The following RARS2 variants were observed in gnomAD, a reference collection of about 807,000 sequenced individuals.
The protein encoded by RARS2 is probable arginine--tRNA ligase, mitochondrial.
Under a neutral mutation model 88.5 loss-of-function variants are expected in RARS2, and 67 were observed. That is an observed-to-expected ratio of 0.76 (90% CI 0.62 to 0.93). The LOEUF is 0.93. RARS2 is among the 40% of genes least tolerant of loss of function. The pLI is 0.00. For missense variants in RARS2, 664 were observed against 684.2 expected (o/e 0.97, Z 0.33); for synonymous variants, 239 against 230.3 (o/e 1.04, Z -0.34).
At chr6:87,578,469 C>T (rs1373875670) in intron 1 of RARS2, among the ~76,000 whole-genome samples, 1 of 151,830 alleles carries the variant, frequency 6.6e-6, no homozygotes, top group Admixed American at 6.6e-5. Context: ...CATTATTTTG[C>T]AAAAATGAGA....
At chr6:87,568,461 C>G (rs1467461812) in intron 2 of RARS2, among the ~76,000 whole-genome samples, 1 of 152,226 alleles carries the variant, frequency 6.6e-6, no homozygotes, top group African/African-American at 2.4e-5. Flanking sequence ...GATCACACCA[C>G]TGCCCTCCAG....
At chr6:87,574,902 G>C (rs1434597909) in intron 1 of RARS2, among the ~76,000 whole-genome samples, 1 of 150,352 alleles carries the variant, frequency 6.7e-6, no homozygotes, top group East Asian at 2.0e-4. Context: ...GAACTAATCA[G>C]AGAATACAAA....
At chr6:87,568,533 C>T (rs1487226631) in intron 2 of RARS2, among the ~76,000 whole-genome samples, 1 of 152,142 alleles carries the variant, frequency 6.6e-6, no homozygotes, top group African/African-American at 2.4e-5. Context: ...TAACATTTCC[C>T]TTATTATGCA....
At chr6:87,584,011 T>C (rs941225958) in intron 1 of RARS2, among the ~76,000 whole-genome samples, 1 of 152,226 alleles carries the variant, frequency 6.6e-6, no homozygotes, top group Non-Finnish European at 1.5e-5. Context: ...TTTCTGCGTA[T>C]GTAAACAAGA....
chr6:87,535,708 G>A (rs182554755), intron 8 of RARS2, among the ~76,000 whole-genome samples: 222 of 134,818 alleles, frequency 1.6e-3, no homozygotes, highest in Middle Eastern at 4.2e-3. Context: ...ACAGAGTCTC[G>A]CTCTGTTGCC....
intron 4 of RARS2, among the ~76,000 whole-genome samples, chr6:87,558,189 A>AAAAAAAGAC (rs1173716638): frequency 6.6e-6 from 1 of 152,136 alleles, no homozygotes. Context: ...AAGAAAAAAA[A>AAAAAAAGAC]AAAAAAGACT....
chr6:87,569,314 C>T (rs531906127), intron 2 of RARS2, among the ~76,000 whole-genome samples: 1 of 152,224 alleles, frequency 6.6e-6, no homozygotes, highest in South Asian at 2.1e-4. Context: ...CACAATCTGC[C>T]ATATCAGAGT....
chr6:87,558,137 A>AT, intron 4 of RARS2, among the ~76,000 whole-genome samples: 1 of 151,824 alleles, frequency 6.6e-6, no homozygotes, highest in African/African-American at 2.4e-5. Flanking sequence ...AGATCACGCC[A>AT]TTGCACTCCA....
chr6:87,514,682 T>TA (rs1322994177), intron 19 of RARS2, among the ~76,000 whole-genome samples, 183 bp from the exon 20 acceptor site: 1 of 152,208 alleles, frequency 6.6e-6, no homozygotes, highest in South Asian at 2.1e-4. Context: ...AACCTGTACA[T>TA]AAAGTGTCAT....
chr6:87,576,930 T>C (rs991421927), intron 1 of RARS2, among the ~76,000 whole-genome samples: 4 of 152,216 alleles, frequency 2.6e-5, no homozygotes, highest in Non-Finnish European at 4.4e-5. Flanking sequence ...GATCATGATC[T>C]GGTCAAAGCA....
chr6:87,550,663 TTAAA>T (rs1486981050), intron 5 of RARS2, among the ~76,000 whole-genome samples: 3 of 151,592 alleles, frequency 2.0e-5, no homozygotes, highest in South Asian at 2.1e-4. Flanking sequence ...AATTATATGT[TTAAA>T]TAAGTATTGT....
intron 1 of RARS2, among the ~76,000 whole-genome samples, chr6:87,570,067 A>C (rs1388369096): frequency 1.3e-5 from 2 of 152,190 alleles, no homozygotes; most frequent in Non-Finnish European, 2.9e-5. Context: ...AAAACAAAAC[A>C]AAACCTCATG....
chr6:87,551,044 A>G (rs1204291217), intron 5 of RARS2, among the ~76,000 whole-genome samples: 3 of 152,008 alleles, frequency 2.0e-5, no homozygotes, highest in Non-Finnish European at 4.4e-5. Flanking sequence ...AAACAAAAAC[A>G]AAAACAAAAA....
Position 87,576,415 on chromosome 6 carries a change from T to C in RARS2, c.37-6825A>G, listed in dbSNP as rs1454491126. Among the ~76,000 whole-genome samples the C allele has an allele frequency of 1.8e-5, 2 of 109,910 alleles. 1 individual carries two copies. Among genetic ancestry groups the C allele is most frequent in the African/African-American group, 6.9e-5 (2 of 28,896 alleles). 72.1% of individuals were successfully genotyped at this position (109,910 alleles called of 152,430 possible). A position where few individuals can be genotyped will look rare whatever the true frequency, so the allele number is the denominator to read the frequency against. Reference sequence around the variant, plus strand: ...CCTCAGCCTCCCGAGTAGCTGGGACTACAGGCGCCCGCTACCACGCCCGGC... The same window carrying C: ...CCTCAGCCTCCCGAGTAGCTGGGACCACAGGCGCCCGCTACCACGCCCGGC... On this transcript the variant is annotated intron_variant, in intron 1 of 19. Coordinates refer to ENST00000369536, the MANE Select transcript of RARS2 (RefSeq NM_020320.5).
rs1783177665 is a variant in RARS2, at chr6:87,548,151, G to C, written c.451+440C>G. 3.3e-5 allele frequency among the ~76,000 whole-genome samples: 5 copies of C among 152,226 alleles called. No homozygotes were observed. In the South Asian group the frequency reaches 1.0e-3, roughly 32 times the overall value. ...CCAGCAACTTGGGAGGCTGAGGCAG[G>C]AGAATCCTTTGAACCTGGGAGGCAG... On this transcript the variant is annotated intron_variant, in intron 6 of 19. Transcript: ENST00000369536.
intron 1 of RARS2, among the ~76,000 whole-genome samples, chr6:87,581,857 G>T (rs1172641119): frequency 5.3e-5 from 8 of 152,122 alleles, no homozygotes; most frequent in Non-Finnish European, 1.2e-4. Context: ...GCAGTGTTTG[G>T]TTTTTTGTTC....
At chr6:87,583,736 A>G (rs1774294409) in intron 1 of RARS2, among the ~76,000 whole-genome samples, 1 of 152,240 alleles carries the variant, frequency 6.6e-6, no homozygotes, top group South Asian at 2.1e-4. Context: ...TACATATAGA[A>G]TACAAAGAAT....
intron 6 of RARS2, among the ~76,000 whole-genome samples, chr6:87,546,095 G>A (rs1454692336): frequency 6.6e-6 from 1 of 151,600 alleles, no homozygotes; most frequent in Non-Finnish European, 1.5e-5. Context: ...CCCTTTTTGT[G>A]TTTTCTAAAT....
At chr6:87,516,780 C>T (rs571164019) in intron 18 of RARS2, 26 bp downstream of exon 18, 1 of 1,611,578 alleles carries the variant, frequency 6.2e-7, no homozygotes, top group East Asian at 2.2e-5. Flanking sequence ...CCATTAACAC[C>T]TGAAAACAGG....
Sources: gnomAD v4.1 joint callset for allele counts (sites outside exome capture counted in the v4.1 genomes callset) on GRCh38, gnomAD v4.1.1 for gene constraint, MANE v1.5 for transcripts, NCBI Gene and HGNC (gene_info 2026-07-23, HGNC 2026-07-21) for gene names.